The following IGSF11 variants were observed in gnomAD, a reference collection of about 807,000 sequenced individuals.
IGSF11 encodes the protein immunoglobulin superfamily member 11, also known as CXADR like 1.
In IGSF11, 22 loss-of-function variants were observed where a neutral mutation model predicts 41.0. The observed-to-expected ratio is 0.54, with a 90% CI of 0.38 to 0.77. The LOEUF is 0.77. IGSF11 is among the 30% of genes least tolerant of loss of function. IGSF11 has a pLI of 0.00. For missense variants in IGSF11, 444 were observed against 530.8 expected, an observed-to-expected ratio of 0.84 and a Z score of 1.61; for synonymous variants, 219 against 201.3, an observed-to-expected ratio of 1.09 and a Z score of -0.74.
At chr3:119,083,534 ACAAAC>A (rs1257284148) in intron 1 of IGSF11, among the ~76,000 whole-genome samples, 16 of 46,870 alleles carry the variant, frequency 3.4e-4, no homozygotes, top group Admixed American at 5.8e-4. Context: ...ACACACACAC[ACAAAC>A]ACACACACAC....
chr3:119,101,078 T>C (rs1293273337), intron 1 of IGSF11, among the ~76,000 whole-genome samples: 2 of 152,250 alleles, frequency 1.3e-5, no homozygotes, highest in African/African-American at 4.8e-5. Flanking sequence ...CAAATCTGAC[T>C]GATAATACTT....
At chr3:119,106,348 C>A (rs535893838), upstream of IGSF11, among the ~76,000 whole-genome samples, 8 of 152,238 alleles carry the variant, frequency 5.3e-5, no homozygotes, top group South Asian at 1.5e-3. Flanking sequence ...ATCACCATTT[C>A]CCCCCGAACT....
At chr3:118,934,232 C>A (rs1943076502) in intron 1 of IGSF11, among the ~76,000 whole-genome samples, 1 of 152,156 alleles carries the variant, frequency 6.6e-6, no homozygotes, top group South Asian at 2.1e-4. Context: ...TTTCCCTAGG[C>A]TTCCCAGATA....
chr3:119,020,312 G>A (rs1939161800), intron 1 of IGSF11, among the ~76,000 whole-genome samples: 1 of 152,046 alleles, frequency 6.6e-6, no homozygotes, highest in Non-Finnish European at 1.5e-5. Context: ...GAGTAACCAG[G>A]AGCACTGCCT....
At chr3:119,033,246 A>C (rs1483655038) in intron 1 of IGSF11, among the ~76,000 whole-genome samples, 1 of 152,212 alleles carries the variant, frequency 6.6e-6, no homozygotes, top group Non-Finnish European at 1.5e-5. Flanking sequence ...AATATTGGTA[A>C]TATTTAGAGC....
At chr3:118,985,103 C>T (rs573094084) in intron 1 of IGSF11, among the ~76,000 whole-genome samples, 1 of 152,262 alleles carries the variant, frequency 6.6e-6, no homozygotes, top group South Asian at 2.1e-4. Context: ...TTAAAGCACT[C>T]CCAGAGGCAT....
intron 1 of IGSF11, among the ~76,000 whole-genome samples, chr3:119,030,553 GA>G (rs1252506433): frequency 4.0e-5 from 6 of 151,608 alleles, no homozygotes; most frequent in African/African-American, 9.7e-5. Flanking sequence ...TTAACAGAAA[GA>G]AAAAAAATCC....
At chr3:119,047,522 A>C (rs2107423602) in intron 1 of IGSF11, among the ~76,000 whole-genome samples, 1 of 152,310 alleles carries the variant, frequency 6.6e-6, no homozygotes, top group East Asian at 1.9e-4. Flanking sequence ...CTACAAAGAG[A>C]CTTAGACTCC....
At chr3:119,016,352 A>C (rs952259553) in intron 1 of IGSF11, among the ~76,000 whole-genome samples, 3 of 152,238 alleles carry the variant, frequency 2.0e-5, no homozygotes, top group African/African-American at 7.2e-5. Context: ...TAACAGCATG[A>C]ACATGAATGA....
intron 1 of IGSF11, among the ~76,000 whole-genome samples, chr3:119,061,374 C>T (rs1942045753): frequency 6.6e-6 from 1 of 152,154 alleles, no homozygotes; most frequent in Non-Finnish European, 1.5e-5. Context: ...TCTCTTTCTG[C>T]TCCAGAGATT....
In IGSF11 at chr3:118,906,571, C is replaced by T. The variant is rs188904819; in HGVS notation, c.581-853G>A. Among the ~76,000 whole-genome samples the T allele has an allele frequency of 1.4e-4, 21 of 152,292 alleles. 1 individual carries two copies. The East Asian group carries it at 3.3e-3, about 24-fold the overall frequency. On this transcript the variant is annotated intron_variant, in intron 4 of 6. Coordinates refer to ENST00000393775, the MANE Select transcript of IGSF11 (RefSeq NM_001015887.3). ...GTCTTGGTGCAAAGCAGTGGTGGAT[C>T]TACAGGGGAAGCAGCATGGCTTTCA...
intron 4 of IGSF11, among the ~76,000 whole-genome samples, chr3:118,917,187 A>G (rs1385048682): frequency 1.4e-5 from 2 of 147,456 alleles, no homozygotes; most frequent in African/African-American, 2.5e-5. Context: ...CTAACATCAC[A>G]ATTAAAAGAA....
chr3:119,026,704 T>C (rs1445808443), intron 1 of IGSF11, among the ~76,000 whole-genome samples: 1 of 152,184 alleles, frequency 6.6e-6, no homozygotes, highest in Non-Finnish European at 1.5e-5. Flanking sequence ...TGTGACAAAA[T>C]GGGTAGTATA....
rs552188602 is a variant in IGSF11 at position 119,145,498 on chromosome 3, C to A, written c.-14+315G>T. Among the ~76,000 whole-genome samples, 4 of 152,322 alleles carry A rather than the reference C, an allele frequency of 2.6e-5. No individual in the cohort carries two copies. The East Asian group carries it at 7.7e-4, about 29-fold the overall frequency. The stretch of plus-strand genomic sequence containing the variant: ...ATCTTTCTCCCACTTTCCTTACTCC[C>A]TTCCTTTCTGGAACTCTGATTTGGC... On this transcript the variant is annotated intron_variant, in intron 1 of 7. Coordinates refer to the IGSF11 transcript ENST00000425327.
intron 2 of IGSF11, 66 bp from the exon 3 acceptor site, chr3:118,928,782 A>AT: frequency 8.4e-7 from 1 of 1,188,496 alleles, no homozygotes; most frequent in Non-Finnish European, 1.2e-6. Flanking sequence ...AACAATAACT[A>AT]TTTGGTAGAC....
At chr3:119,126,449 G>A (rs912166424) in intron 1 of IGSF11, among the ~76,000 whole-genome samples, 1 of 152,252 alleles carries the variant, frequency 6.6e-6, no homozygotes, top group Non-Finnish European at 1.5e-5. Flanking sequence ...CCTCCTGGTG[G>A]TTCTGAGGAA....
At chr3:119,075,425 T>C (rs1011953969) in intron 1 of IGSF11, among the ~76,000 whole-genome samples, 3 of 152,168 alleles carry the variant, frequency 2.0e-5, no homozygotes, top group Non-Finnish European at 4.4e-5. Flanking sequence ...CCAATCCTAC[T>C]GAAACTATTC....
At chr3:118,936,417 G>C (rs1407695141) in intron 1 of IGSF11, among the ~76,000 whole-genome samples, 2 of 151,512 alleles carry the variant, frequency 1.3e-5, no homozygotes, top group Admixed American at 1.3e-4. Context: ...TGAGGCAGGA[G>C]AGTCGCTTTA....
chr3:118,912,722 C>T (rs1467626517), intron 4 of IGSF11, among the ~76,000 whole-genome samples: 2 of 152,118 alleles, frequency 1.3e-5, no homozygotes, highest in African/African-American at 4.8e-5. Flanking sequence ...GGAGGATTAG[C>T]ATACAAAGAG....
Sources: gnomAD v4.1 joint callset for allele counts (sites outside exome capture counted in the v4.1 genomes callset) on GRCh38, gnomAD v4.1.1 for gene constraint, MANE v1.5 for transcripts, NCBI Gene and HGNC (gene_info 2026-07-23, HGNC 2026-07-21) for gene names.